The following REDIC1 variants were observed in gnomAD, a reference collection of about 807,000 sequenced individuals.
The protein encoded by REDIC1 is regulator of DNA class I crossover intermediates 1, also known as HEI10 Interacting Protein 1.
chr12:39,822,853 TAAC>T, the REDIC1 span, among the ~76,000 whole-genome samples: 3 of 152,362 alleles, frequency 2.0e-5, no homozygotes, highest in South Asian at 6.2e-4. Context: ...ATAAAACTGT[TAAC>T]AAGTGTTTAT....
At chr12:39,902,358 TAAAA>T in the REDIC1 span, among the ~76,000 whole-genome samples, 1 of 151,134 alleles carries the variant, frequency 6.6e-6, no homozygotes, top group Non-Finnish European at 1.5e-5. Flanking sequence ...AAATAAAAAT[TAAAA>T]AAAAGAAGAG....
At chr12:39,696,814 G>T in the REDIC1 span, among the ~76,000 whole-genome samples, 1 of 152,044 alleles carries the variant, frequency 6.6e-6, no homozygotes, top group Non-Finnish European at 1.5e-5. Flanking sequence ...CTTAACAGCA[G>T]AACTGATCAA....
the REDIC1 span, among the ~76,000 whole-genome samples, chr12:39,687,892 C>T: frequency 6.6e-6 from 1 of 152,188 alleles, no homozygotes; most frequent in Non-Finnish European, 1.5e-5. Context: ...AAAGTCTTCA[C>T]AGCAAAAGAG....
the REDIC1 span, among the ~76,000 whole-genome samples, chr12:39,691,540 A>T: frequency 6.6e-6 from 1 of 152,188 alleles, no homozygotes; most frequent in East Asian, 1.9e-4. Context: ...GGAAATAAAG[A>T]AACACTCAGG....
At chr12:39,629,862 C>CT in the REDIC1 span, among the ~76,000 whole-genome samples, 2 of 151,982 alleles carry the variant, frequency 1.3e-5, no homozygotes, top group Admixed American at 6.6e-5. Context: ...ATTTAATGGA[C>CT]TTTTTTCTTT....
At chr12:39,858,793 A>T in the REDIC1 span, among the ~76,000 whole-genome samples, 1 of 152,104 alleles carries the variant, frequency 6.6e-6, no homozygotes, top group Non-Finnish European at 1.5e-5. Flanking sequence ...TTTTTGGTAG[A>T]GATGGAATTT....
chr12:39,644,557 G>T, the REDIC1 span, among the ~76,000 whole-genome samples: 2 of 151,926 alleles, frequency 1.3e-5, no homozygotes, highest in Non-Finnish European at 2.9e-5. Flanking sequence ...ATCAGGAAGG[G>T]ATAGAAATTG....
the REDIC1 span, among the ~76,000 whole-genome samples, chr12:39,818,479 C>T: frequency 6.6e-6 from 1 of 152,112 alleles, no homozygotes; most frequent in African/African-American, 2.4e-5. Flanking sequence ...AGATGATGCT[C>T]TGAGTAATTA....
the REDIC1 span, among the ~76,000 whole-genome samples, chr12:39,741,079 G>A: frequency 5.3e-5 from 8 of 152,084 alleles, no homozygotes; most frequent in Non-Finnish European, 1.2e-4. Context: ...CGATTCTCTT[G>A]TCTCAGCCTC....
the REDIC1 span, among the ~76,000 whole-genome samples, chr12:39,704,352 CA>C: frequency 6.6e-6 from 1 of 152,018 alleles, no homozygotes; most frequent in Non-Finnish European, 1.5e-5. Context: ...CAGAGAAATG[CA>C]AATCAAAACC....
the REDIC1 span, among the ~76,000 whole-genome samples, chr12:39,655,992 T>C: frequency 6.6e-6 from 1 of 152,186 alleles, no homozygotes; most frequent in Non-Finnish European, 1.5e-5. Flanking sequence ...TTTTTTTTCT[T>C]CTTTTTCTAA....
At chr12:39,721,394 G>T in the REDIC1 span, 2 of 668,468 alleles carry the variant, frequency 3.0e-6, no homozygotes, top group Non-Finnish European at 5.1e-6. Flanking sequence ...TATATTCACG[G>T]TTCATGTTAA....
At chr12:39,835,510 G>A in the REDIC1 span, among the ~76,000 whole-genome samples, 6,675 of 152,102 alleles carry the variant, frequency 0.044, 449 homozygotes, top group African/African-American at 0.15. Flanking sequence ...AAGGAATTGC[G>A]GAATGAATTA....
chr12:39,776,951 A>AT, the REDIC1 span, among the ~76,000 whole-genome samples: 2 of 152,098 alleles, frequency 1.3e-5, no homozygotes, highest in African/African-American at 4.8e-5. Flanking sequence ...TTCTTTTTCA[A>AT]TTTTTTATAG....
the REDIC1 span, among the ~76,000 whole-genome samples, chr12:39,693,965 T>C: frequency 1.3e-5 from 2 of 152,182 alleles, no homozygotes; most frequent in Non-Finnish European, 2.9e-5. Context: ...ACAGGGATTG[T>C]GGTCAAACTT....
the REDIC1 span, among the ~76,000 whole-genome samples, chr12:39,900,614 A>C: frequency 3.3e-5 from 5 of 152,182 alleles, no homozygotes; most frequent in Admixed American, 2.6e-4. Context: ...TAAAATACCT[A>C]GGAATCCAAC....
At chr12:39,838,695 C>T in the REDIC1 span, among the ~76,000 whole-genome samples, 4 of 152,004 alleles carry the variant, frequency 2.6e-5, no homozygotes, top group Non-Finnish European at 4.4e-5. Context: ...TTCAATCAAT[C>T]GTTTATATGT....
the REDIC1 span, among the ~76,000 whole-genome samples, chr12:39,704,674 A>T: frequency 2.6e-3 from 396 of 152,286 alleles, 4 homozygotes; most frequent in Non-Finnish European, 3.3e-3. Context: ...AACCAACCCA[A>T]ATGTCCAACA....
At chr12:39,907,668 A>G in the REDIC1 span, 2 of 152,166 alleles carry the variant, frequency 1.3e-5, no homozygotes, top group Admixed American at 6.6e-5. Flanking sequence ...TTGGAAATAG[A>G]ATGAGGTGCA....
Sources: gnomAD v4.1 joint callset for allele counts (sites outside exome capture counted in the v4.1 genomes callset) on GRCh38, gnomAD v4.1.1 for gene constraint, MANE v1.5 for transcripts, NCBI Gene and HGNC (gene_info 2026-07-23, HGNC 2026-07-21) for gene names.